Variants in PIK3AP1 observed in about 807,000 individuals in gnomAD.
The protein encoded by PIK3AP1 is phosphoinositide-3-kinase adaptor protein 1, also known as phosphoinositide 3-kinase adapter protein 1.
Under a neutral mutation model 88.1 loss-of-function variants are expected in PIK3AP1, and 21 were observed. That is an observed-to-expected ratio of 0.24 (90% CI 0.17 to 0.34). The LOEUF (loss-of-function observed/expected upper bound fraction) is 0.34. Ranked by LOEUF, PIK3AP1 falls within the 10% of genes least tolerant of loss-of-function variation. The pLI is 1.00. For missense variants in PIK3AP1, 828 were observed against 1,035.7 expected, an observed-to-expected ratio of 0.80 and a Z score of 2.75; for synonymous variants, 398 against 400.0, an observed-to-expected ratio of 1.00 and a Z score of 0.06.
At chr10:96,709,416 C>T (rs1564991430) in intron 2 of PIK3AP1, 151 bp downstream of exon 2, 1 of 936,392 alleles carries the variant, frequency 1.1e-6, no homozygotes, top group Non-Finnish European at 1.6e-6. Flanking sequence ...TGCCCCTATC[C>T]CACCCCAGAA....
intron 2 of PIK3AP1, among the ~76,000 whole-genome samples, chr10:96,670,218 C>CA (rs1564978585): frequency 6.7e-6 from 1 of 148,338 alleles, no homozygotes. Context: ...ATGAAAAATT[C>CA]AGAAGTTGAG....
chr10:96,687,255 C>CAAAAAAAAAAAAAAAA (rs59631566), intron 2 of PIK3AP1, among the ~76,000 whole-genome samples: 1 of 55,306 alleles, frequency 1.8e-5, no homozygotes, highest in Non-Finnish European at 3.2e-5. Flanking sequence ...TACTCCATCT[C>CAAAAAAAAAAAAAAAA]AAAAAAAAAA....
chr10:96,709,706 G>A lies in PIK3AP1; in HGVS notation c.291C>T (p.Arg97=), dbSNP rs752396501. The change falls in exon 2 of 17, where the codon CGC becomes CGT. Residue 97 remains arginine, a synonymous_variant. Transcript: ENST00000339364. ...GCACGCCGCAGAGCAGCCTGACCAC[G>A]CGGTGCGGAGGATGGAAAGCTCTCT... ...LLQRAFHPPH[R]VVRLLCGVRD... 5 of 1,614,116 alleles carry A rather than the reference G, an allele frequency of 3.1e-6. No individual in the cohort carries two copies. Among genetic ancestry groups the A allele is most frequent in the East Asian group, 2.2e-5 (1 of 44,894 alleles).
chr10:96,662,883 C>T (rs1292278199), intron 2 of PIK3AP1, among the ~76,000 whole-genome samples: 12 of 46,678 alleles, frequency 2.6e-4, no homozygotes, highest in Admixed American at 3.6e-4. Context: ...AGCGAGACTC[C>T]GTCTCAAAAA....
chr10:96,700,117 G>A (rs566090405), intron 2 of PIK3AP1, among the ~76,000 whole-genome samples: 1 of 152,134 alleles, frequency 6.6e-6, no homozygotes, highest in South Asian at 2.1e-4. Context: ...TTCAGCATTC[G>A]TGACTCCCTT....
chr10:96,603,467 A>G (rs1848939294), intron 15 of PIK3AP1, among the ~76,000 whole-genome samples: 5 of 152,166 alleles, frequency 3.3e-5, no homozygotes, highest in Admixed American at 3.3e-4. Context: ...CTGCCAGCCA[A>G]TATAAAGCAG....
At chr10:96,707,648 C>T (rs1844382318) in intron 2 of PIK3AP1, among the ~76,000 whole-genome samples, 1 of 152,086 alleles carries the variant, frequency 6.6e-6, no homozygotes, top group African/African-American at 2.4e-5. Flanking sequence ...ATGAGATGCC[C>T]AGTCAGTGGC....
intron 2 of PIK3AP1, among the ~76,000 whole-genome samples, chr10:96,705,579 C>CTT (rs57429192): frequency 1.8e-4 from 24 of 133,914 alleles, no homozygotes; most frequent in East Asian, 6.4e-4. Context: ...CATTGCATTT[C>CTT]TTTTTTTTTT....
At chr10:96,668,685 A>G (rs1843799531) in intron 2 of PIK3AP1, among the ~76,000 whole-genome samples, 1 of 152,214 alleles carries the variant, frequency 6.6e-6, no homozygotes, top group African/African-American at 2.4e-5. Context: ...GTTCATGTCC[A>G]AGACTTCCAG....
chr10:96,720,370 CT>C lies in PIK3AP1; in HGVS notation c.13+11del. On this transcript the variant is annotated intron_variant, in intron 1 of 16. Transcript: ENST00000339364. This position sits in a 1 kb window ranked among gnomAD's most constrained non-coding sequence, Gnocchi z 4.6. ...CCGGGAGCCCGGGGACCCGCGGCGC[CT>C]GCCTACCCACCTGAGGCTGCCATGC... The C allele has an allele frequency of 8.1e-7, 1 of 1,241,920 alleles. No individual in the cohort carries two copies. The highest frequency in any genetic ancestry group is 1.0e-6 in the Non-Finnish European group (1 of 987,792). The allele number at this position is 1,241,920 out of a possible 1,614,324, so 76.9% of individuals were successfully genotyped here. A position where few individuals can be genotyped will look rare whatever the true frequency, so the allele number is the denominator to read the frequency against.
At chr10:96,624,581 A>G (rs1411583529) in intron 10 of PIK3AP1, among the ~76,000 whole-genome samples, 1 of 151,914 alleles carries the variant, frequency 6.6e-6, no homozygotes, top group Non-Finnish European at 1.5e-5. Flanking sequence ...TAATCCCAGC[A>G]TTTTGGGAGG....
Position 96,648,642 on chromosome 10 carries a change from T to C in PIK3AP1, c.1185+17A>G. ...GAGTGCATTTCCAATCCTGGGCCCC[T>C]CCTGCCTTGACCTTACCACATACTC... On this transcript the variant is annotated intron_variant, in intron 7 of 16. Transcript: ENST00000339364. 6.3e-7 allele frequency: 1 copy of C among 1,583,528 alleles called. No homozygotes were observed. Among genetic ancestry groups the C allele is most frequent in the Non-Finnish European group, 8.5e-7 (1 of 1,169,758 alleles).
intron 2 of PIK3AP1, among the ~76,000 whole-genome samples, chr10:96,677,955 T>TTTTA (rs1451616577): frequency 1.3e-5 from 2 of 152,120 alleles, no homozygotes; most frequent in African/African-American, 2.4e-5. Context: ...TATATTACAA[T>TTTTA]TTTATTTATT....
chr10:96,651,489 T>C lies in PIK3AP1; in HGVS notation c.855+20A>G. On this transcript the variant is annotated intron_variant, in intron 5 of 16. Coordinates refer to ENST00000339364, the MANE Select transcript of PIK3AP1 (RefSeq NM_152309.3). ...AAATTACATGCCCAGAAATCTCAGG[T>C]TTCCTTGTAATATCCTTACCTGACA... 1 of 1,614,088 alleles carries C rather than the reference T, an allele frequency of 6.2e-7. No homozygotes were observed. Among genetic ancestry groups the C allele is most frequent in the South Asian group, 1.1e-5 (1 of 91,082 alleles).
At chr10:96,624,661 C>A (rs1843130853) in intron 10 of PIK3AP1, among the ~76,000 whole-genome samples, 3 of 139,442 alleles carry the variant, frequency 2.2e-5, no homozygotes, top group African/African-American at 7.9e-5. Flanking sequence ...GACCCTGTCT[C>A]AAAAAAAAAA....
intron 14 of PIK3AP1, among the ~76,000 whole-genome samples, chr10:96,606,542 C>G (rs530939585): frequency 1.3e-5 from 2 of 152,230 alleles, no homozygotes; most frequent in Non-Finnish European, 2.9e-5. Flanking sequence ...CCTGGCCCTC[C>G]TCCTCTCCAA....
intron 8 of PIK3AP1, among the ~76,000 whole-genome samples, chr10:96,636,056 C>G (rs549637177): frequency 1.3e-5 from 2 of 151,820 alleles, no homozygotes; most frequent in Non-Finnish European, 2.9e-5. Flanking sequence ...AAACAAACAA[C>G]AACAACAACA....
At chr10:96,662,868 G>A (rs1381600806) in intron 2 of PIK3AP1, among the ~76,000 whole-genome samples, 2 of 105,472 alleles carry the variant, frequency 1.9e-5, no homozygotes, top group Non-Finnish European at 3.4e-5. Context: ...CCGCCTGGGC[G>A]ACAGAGCGAG....
In PIK3AP1 at chr10:96,645,457, G is replaced by A. The variant is rs1470871056; in HGVS notation, c.1375+16C>T. ...TCAGCAGAAAGGTGGAAGCAGAACTGGGTTGTGCTACTTACAGAGGTCTTC... is the reference window on the plus strand; with the variant it reads ...TCAGCAGAAAGGTGGAAGCAGAACTAGGTTGTGCTACTTACAGAGGTCTTC... On this transcript the variant is annotated intron_variant, in intron 8 of 16. Coordinates refer to ENST00000339364, the MANE Select transcript of PIK3AP1 (RefSeq NM_152309.3). 1.2e-6 allele frequency: 2 copies of A among 1,610,680 alleles called. No homozygotes were observed. The highest frequency in any genetic ancestry group is 2.7e-5 in the African/African-American group (2 of 74,694).
Sources: gnomAD v4.1 joint callset for allele counts (sites outside exome capture counted in the v4.1 genomes callset) on GRCh38, gnomAD v4.1.1 for gene constraint, Gnocchi (gnomAD v3.1) non-coding constraint, MANE v1.5 for transcripts, NCBI Gene and HGNC (gene_info 2026-07-23, HGNC 2026-07-21) for gene names.